FAM204A: variants seen among roughly 807,000 people sequenced by gnomAD.
The protein encoded by FAM204A is protein FAM204A.
Under a neutral mutation model 35.4 loss-of-function variants are expected in FAM204A, and 16 were observed. The observed-to-expected ratio is 0.45, with a 90% CI of 0.31 to 0.69. FAM204A has a LOEUF of 0.69. Ranked by LOEUF, FAM204A falls within the 30% of genes least tolerant of loss-of-function variation. The probability of loss-of-function intolerance (pLI) is 0.07; values close to 1 mark genes in which losing one functional copy is unlikely to be tolerated. For missense variants in FAM204A, 240 were observed against 265.7 expected (o/e 0.90, Z 0.67); for synonymous variants, 76 against 86.9 (o/e 0.88, Z 0.70).
chr10:118,335,993 T>C (rs978965436), intron 3 of FAM204A, 189 bp downstream of exon 3: 14 of 641,196 alleles, frequency 2.2e-5, no homozygotes, highest in African/African-American at 1.7e-4. Flanking sequence ...CGTCTTTCTA[T>C]GAAAAACAAA....
At chr10:118,311,953 C>T (rs761068733) in intron 7 of FAM204A, among the ~76,000 whole-genome samples, 1 of 152,148 alleles carries the variant, frequency 6.6e-6, no homozygotes, top group East Asian at 1.9e-4. Flanking sequence ...CCCTTACACC[C>T]ACCTGCCAGT....
At position 118,300,757 on chromosome 10, in the gene FAM204A, C is replaced by A. The variant is rs1457563240; in HGVS notation, c.*10100G>T. ...TGGGGTTTGGTGGTTCCAAGGAAAGCAGCTTCCACCTGAAAGGAAGTACAG... is the reference window on the plus strand; with the variant it reads ...TGGGGTTTGGTGGTTCCAAGGAAAGAAGCTTCCACCTGAAAGGAAGTACAG... On this transcript the variant is annotated 3_prime_UTR_variant, in exon 9 of 9. Transcript: ENST00000369183. 1 of 152,210 alleles carries A rather than the reference C, an allele frequency of 6.6e-6. No individual in the cohort carries two copies. The highest frequency in any genetic ancestry group is 1.5e-5 in the Non-Finnish European group (1 of 68,070). 9.4% of individuals were successfully genotyped at this position (152,210 alleles called of 1,614,324 possible).
chr10:118,315,703 T>C (rs1846019824), intron 7 of FAM204A, among the ~76,000 whole-genome samples: 1 of 152,152 alleles, frequency 6.6e-6, no homozygotes, highest in African/African-American at 2.4e-5. Context: ...GCAAGTTACC[T>C]AGGAGACGAA....
chr10:118,332,510 A>G (rs12356905), intron 6 of FAM204A, among the ~76,000 whole-genome samples: 9,835 of 100,058 alleles, frequency 0.098, 385 homozygotes, highest in South Asian at 0.19. Flanking sequence ...CCACATCCCT[A>G]TGCCCCTCCC....
rs207471505 is a variant in FAM204A at position 118,309,664 on chromosome 10, T to C, written c.*1193A>G. The C allele has an allele frequency of 1.3e-5, 2 of 152,234 alleles. No homozygotes were observed. Among genetic ancestry groups the C allele is most frequent in the East Asian group, 1.9e-4 (1 of 5,200 alleles). The allele number at this position is 152,234 out of a possible 1,614,324, so 9.4% of individuals were successfully genotyped here. A position where few individuals can be genotyped will look rare whatever the true frequency, so the allele number is the denominator to read the frequency against. On this transcript the variant is annotated 3_prime_UTR_variant, in exon 9 of 9. Coordinates refer to ENST00000369183, the MANE Select transcript of FAM204A (RefSeq NM_022063.3). ...CATCTAATGAAAACGATTTCCCATG[T>C]TACCAATCCTCTCTTTCTGCTCATT... is the stretch of plus-strand genomic sequence containing the variant.
At chr10:118,334,011 CCT>C (rs1454909394) in intron 6 of FAM204A, among the ~76,000 whole-genome samples, 2 of 152,152 alleles carry the variant, frequency 1.3e-5, no homozygotes, top group Non-Finnish European at 2.9e-5. Context: ...CAACTAGCCC[CCT>C]GAGCCTCCAG....
rs1239531645 is a variant in FAM204A, at chr10:118,298,334, T to C, written c.*12523A>G. 1 of 152,260 alleles carries C rather than the reference T, an allele frequency of 6.6e-6. No individual in the cohort carries two copies. Among genetic ancestry groups the C allele is most frequent in the East Asian group, 1.9e-4 (1 of 5,204 alleles). 9.4% of individuals were successfully genotyped at this position (152,260 alleles called of 1,614,324 possible). ...CCCTTCATCCTGATTTTCCACCCTC[T>C]TTCTGGGTACCTCAGTGTCCTCTTG... On this transcript the variant is annotated 3_prime_UTR_variant, in exon 9 of 9. Coordinates refer to ENST00000369183, the MANE Select transcript of FAM204A (RefSeq NM_022063.3).
Position 118,335,412 on chromosome 10 carries a change from C to T in FAM204A, c.337G>A (p.Glu113Lys). 1 of 1,593,482 alleles carries T rather than the reference C, an allele frequency of 6.3e-7. No homozygotes were observed. The highest frequency in any genetic ancestry group is 8.5e-7 in the Non-Finnish European group (1 of 1,170,220). Residue 113 changes from glutamate to lysine, a missense_variant, in exon 5 of 9, where the codon GAA becomes AAA. This residue lies in a region of FAM204A where 232 missense variants were observed against 242.8 expected (regional missense o/e 0.96). Coordinates refer to ENST00000369183, the MANE Select transcript of FAM204A (RefSeq NM_022063.3). The part of the protein sequence containing the change: ...KRSRKDKLKN[E>K]KELHSEPSSN... ...TCTACCTACCTATGTAATTCTTTTT[C>T]ATTCTTCAATTTATCTGAAAAGAAT...
At position 118,302,259 on chromosome 10, in the gene FAM204A, G is replaced by A. The variant is rs1159104357; in HGVS notation, c.*8598C>T. The A allele has an allele frequency of 6.6e-6, 1 of 152,244 alleles. No individual in the cohort carries two copies. Among genetic ancestry groups the A allele is most frequent in the Non-Finnish European group, 1.5e-5 (1 of 68,052 alleles). The allele number at this position is 152,244 out of a possible 1,614,324, so 9.4% of individuals were successfully genotyped here. On this transcript the variant is annotated 3_prime_UTR_variant, in exon 9 of 9. Coordinates refer to ENST00000369183, the MANE Select transcript of FAM204A (RefSeq NM_022063.3). ...TGAAATAATGAGAAAAGGAAATGCA[G>A]GAAGAGGGATCCATTTCTTCCAGAT...
chr10:118,317,978 T>G (rs902271694), intron 7 of FAM204A, among the ~76,000 whole-genome samples: 3 of 151,980 alleles, frequency 2.0e-5, no homozygotes, highest in African/African-American at 7.2e-5. Flanking sequence ...GTTCCCACAT[T>G]CCCTAGGTGG....
chr10:118,336,091 A>C, intron 3 of FAM204A, 91 bp downstream of exon 3: 1 of 1,450,172 alleles, frequency 6.9e-7, no homozygotes, highest in Non-Finnish European at 9.3e-7. Flanking sequence ...TTAAGTCCCA[A>C]GAATACATGC....
In FAM204A at chr10:118,300,870, C is replaced by T. The variant is rs931388420; in HGVS notation, c.*9987G>A. Reference sequence around the variant, plus strand: ...AAGCACAAATGCAATACAGCAACATCAGTAATGGTAACTGAGTGCTTACTG... The same window carrying T: ...AAGCACAAATGCAATACAGCAACATTAGTAATGGTAACTGAGTGCTTACTG... On this transcript the variant is annotated 3_prime_UTR_variant, in exon 9 of 9. Coordinates refer to ENST00000369183, the MANE Select transcript of FAM204A (RefSeq NM_022063.3). 24 of 152,346 alleles carry T rather than the reference C, an allele frequency of 1.6e-4. No individual in the cohort carries two copies. Among genetic ancestry groups the T allele is most frequent in the African/African-American group, 5.3e-4 (22 of 41,584 alleles). The allele number at this position is 152,346 out of a possible 1,614,324, so 9.4% of individuals were successfully genotyped here.
chr10:118,340,782 C>G (rs1449742930), intron 2 of FAM204A, among the ~76,000 whole-genome samples: 4 of 152,220 alleles, frequency 2.6e-5, no homozygotes, highest in African/African-American at 7.2e-5. Flanking sequence ...ATCTTCACAA[C>G]AACCCTTCCA....
intron 4 of FAM204A, 38 bp from the exon 5 acceptor site, chr10:118,335,464 G>C: frequency 6.3e-7 from 1 of 1,595,416 alleles, no homozygotes; most frequent in South Asian, 1.2e-5. Flanking sequence ...CCTAACTTCA[G>C]TAATTTCAAA....
chr10:118,318,524 T>C (rs1264934350), intron 7 of FAM204A, among the ~76,000 whole-genome samples: 3 of 152,014 alleles, frequency 2.0e-5, no homozygotes. Context: ...AAATCACAAT[T>C]AAGACAACAG....
chr10:118,298,516 T>G lies in FAM204A; in HGVS notation c.*12341A>C, dbSNP rs1027301608. The stretch of plus-strand genomic sequence containing the variant: ...TCCATGTACTTTTGCTCAGGTTCTT[T>G]GGATACCATGATCTTAGCTATCTGC... On this transcript the variant is annotated 3_prime_UTR_variant, in exon 9 of 9. Coordinates refer to ENST00000369183, the MANE Select transcript of FAM204A (RefSeq NM_022063.3). 7.2e-5 allele frequency: 11 copies of G among 152,362 alleles called. No individual in the cohort carries two copies. The highest frequency in any genetic ancestry group is 2.6e-4 in the African/African-American group (11 of 41,574). The allele number at this position is 152,362 out of a possible 1,614,324, so 9.4% of individuals were successfully genotyped here. A position where few individuals can be genotyped will look rare whatever the true frequency, so the allele number is the denominator to read the frequency against.
At position 118,301,370 on chromosome 10, in the gene FAM204A, AC is replaced by A. The variant is rs1302893687; in HGVS notation, c.*9486del. ...CTCTCAGTTCAGACATTTACTCACA[AC>A]AGAAATAGCCATCAGCATTTTTGCA... On this transcript the variant is annotated 3_prime_UTR_variant, in exon 9 of 9. Coordinates refer to ENST00000369183, the MANE Select transcript of FAM204A (RefSeq NM_022063.3). The A allele has an allele frequency of 3.3e-5, 5 of 152,212 alleles. No individual in the cohort carries two copies. The highest frequency in any genetic ancestry group is 4.8e-5 in the African/African-American group (2 of 41,450). The allele number at this position is 152,212 out of a possible 1,614,324, so 9.4% of individuals were successfully genotyped here.
chr10:118,323,188 T>C (rs1846145660), intron 7 of FAM204A, among the ~76,000 whole-genome samples: 2 of 151,960 alleles, frequency 1.3e-5, no homozygotes, highest in Non-Finnish European at 1.5e-5. Flanking sequence ...GCTTGTTGAG[T>C]CCTGTGATCC....
rs1247195631 is a variant in FAM204A, at chr10:118,303,490, A to G, written c.*7367T>C. 2.0e-5 allele frequency: 3 copies of G among 152,292 alleles called. No homozygotes were observed. The highest frequency in any genetic ancestry group is 7.2e-5 in the African/African-American group (3 of 41,510). The allele number at this position is 152,292 out of a possible 1,614,324, so 9.4% of individuals were successfully genotyped here. The stretch of plus-strand genomic sequence containing the variant: ...CCATGTAAAATGCTGGCCTGCAGTG[A>G]CTGACTGACTGAGACTGATACCGGG... On this transcript the variant is annotated 3_prime_UTR_variant, in exon 9 of 9. Coordinates refer to ENST00000369183, the MANE Select transcript of FAM204A (RefSeq NM_022063.3).
Sources: allele counts gnomAD v4.1 joint callset (sites outside exome capture counted in the v4.1 genomes callset), GRCh38; gene constraint gnomAD v4.1.1; regional missense constraint gnomAD v4.1.1; transcripts MANE v1.5; gene names NCBI Gene and HGNC (gene_info 2026-07-23, HGNC 2026-07-21).